The following TMOD2 variants were observed in gnomAD, a reference collection of about 807,000 sequenced individuals.
The protein encoded by TMOD2 is tropomodulin 2, also known as tropomodulin-2.
In TMOD2, 22 loss-of-function variants were observed where a neutral mutation model predicts 39.9. The ratio of observed to expected loss-of-function variants is 0.55; its 90% CI spans 0.39 to 0.79. The LOEUF (loss-of-function observed/expected upper bound fraction) is 0.79, where lower values mean the gene tolerates loss of function less well. TMOD2 is among the 30% of genes least tolerant of loss of function. The pLI, the probability that TMOD2 is intolerant of heterozygous loss-of-function variation, is 0.00. For missense variants in TMOD2, 386 were observed against 413.3 expected (o/e 0.93, Z 0.57); for synonymous variants, 123 against 146.1 (o/e 0.84, Z 1.14).
chr15:51,785,874 T>C (rs1488556674), intron 7 of TMOD2, among the ~76,000 whole-genome samples: 1 of 152,178 alleles, frequency 6.6e-6, no homozygotes, highest in Non-Finnish European at 1.5e-5. Context: ...TGCAAACACA[T>C]TGTATAAAGG....
intron 7 of TMOD2, among the ~76,000 whole-genome samples, chr15:51,795,577 G>GCTTTCTTTCTTTCTTTCTTT: frequency 2.4e-5 from 1 of 42,100 alleles, no homozygotes; most frequent in East Asian, 4.2e-4. Context: ...TTGCTTGCTT[G>GCTTTCTTTCTTTCTTTCTTT]CTTTCTTTCT....
chr15:51,806,235 C>G (rs909501654), intron 8 of TMOD2, 142 bp from the exon 9 acceptor site: 1 of 834,972 alleles, frequency 1.2e-6, no homozygotes, highest in African/African-American at 1.7e-5. Context: ...GAAAACTTCT[C>G]AAGTGACGCT....
At chr15:51,759,776 A>G (rs1311585145) in intron 1 of TMOD2, among the ~76,000 whole-genome samples, 3 of 152,232 alleles carry the variant, frequency 2.0e-5, no homozygotes, top group Non-Finnish European at 4.4e-5. Context: ...TAACTTGAGA[A>G]AAATTTAATA....
At chr15:51,796,665 A>G (rs2056053331) in intron 7 of TMOD2, among the ~76,000 whole-genome samples, 1 of 152,238 alleles carries the variant, frequency 6.6e-6, no homozygotes. Flanking sequence ...ATAACTAATA[A>G]TAGAACAATT....
At chr15:51,780,206 C>T (rs907586231) in intron 5 of TMOD2, among the ~76,000 whole-genome samples, 1 of 152,188 alleles carries the variant, frequency 6.6e-6, no homozygotes, top group Non-Finnish European at 1.5e-5. Context: ...AGAACATGCA[C>T]ATCTTAAATT....
At chr15:51,758,079 C>CTAATAATAATAA (rs145435018) in intron 1 of TMOD2, among the ~76,000 whole-genome samples, 7 of 149,740 alleles carry the variant, frequency 4.7e-5, no homozygotes, top group African/African-American at 1.7e-4. Flanking sequence ...GACCCTATTT[C>CTAATAATAATAA]TAATAATAAT....
chr15:51,781,043 G>C lies in TMOD2; in HGVS notation c.494-1G>C. ...TTTTAAAATGAAAACTTGTGTTTTA[G>C]ATGTTGTCAAAGGTGAAAAAGTAAA... On this transcript the variant is annotated splice_acceptor_variant, in intron 5 of 9. Transcript: ENST00000249700. LOFTEE classifies it high-confidence loss of function. 6.3e-7 allele frequency: 1 copy of C among 1,588,818 alleles called. No individual in the cohort carries two copies. Among genetic ancestry groups the C allele is most frequent in the African/African-American group, 1.4e-5 (1 of 73,420 alleles).
intron 1 of TMOD2, among the ~76,000 whole-genome samples, chr15:51,757,659 C>T (rs2055751741): frequency 1.3e-5 from 2 of 152,176 alleles, no homozygotes; most frequent in African/African-American, 4.8e-5. Context: ...GGGACAGACA[C>T]ACCACTGGAG....
intron 8 of TMOD2, among the ~76,000 whole-genome samples, chr15:51,798,577 A>T (rs191756853): frequency 5.9e-5 from 9 of 152,154 alleles, no homozygotes; most frequent in Non-Finnish European, 1.3e-4. Flanking sequence ...CTATCCCACA[A>T]CCCTAGGCTA....
At chr15:51,779,927 T>C (rs1001507300) in intron 5 of TMOD2, among the ~76,000 whole-genome samples, 1 of 152,164 alleles carries the variant, frequency 6.6e-6, no homozygotes, top group Non-Finnish European at 1.5e-5. Flanking sequence ...AGAAACTCTC[T>C]TGCTTCAGTC....
chr15:51,785,899 A>C (rs1206490511), intron 7 of TMOD2, among the ~76,000 whole-genome samples: 3 of 152,176 alleles, frequency 2.0e-5, no homozygotes, highest in Non-Finnish European at 1.5e-5. Flanking sequence ...AAAATATTAC[A>C]TACACCCCCA....
intron 9 of TMOD2, 35 bp from the exon 10 acceptor site, chr15:51,808,385 C>T: frequency 6.3e-7 from 1 of 1,576,340 alleles, no homozygotes; most frequent in Non-Finnish European, 8.7e-7. Flanking sequence ...AATATCCCTT[C>T]AATTTGTCTT....
chr15:51,797,882 A>G (rs1422289196), intron 7 of TMOD2, among the ~76,000 whole-genome samples: 1 of 121,366 alleles, frequency 8.2e-6, no homozygotes, highest in African/African-American at 3.1e-5. Context: ...GTGTTTTCTC[A>G]AAAAAAAAAA....
rs1380172497 is a variant in TMOD2, at chr15:51,766,581, A to G, written c.126+14A>G. 3 of 1,613,070 alleles carry G rather than the reference A, an allele frequency of 1.9e-6. No homozygotes were observed. Among genetic ancestry groups the G allele is most frequent in the South Asian group, 2.2e-5 (2 of 90,970 alleles). ...CTAGATCCTGAGGTTAGTGACATGG[A>G]ACTGAAGCAGAGTGGTTAATGATAG... is the stretch of plus-strand genomic sequence containing the variant. On this transcript the variant is annotated intron_variant, in intron 2 of 9. Coordinates refer to ENST00000249700, the MANE Select transcript of TMOD2 (RefSeq NM_014548.4).
At chr15:51,768,191 G>GGT in intron 2 of TMOD2, 71 bp from the exon 3 acceptor site, 1 of 1,556,958 alleles carries the variant, frequency 6.4e-7, no homozygotes. Flanking sequence ...AGTGAGTGGG[G>GGT]GTGGAAGAGG....
At chr15:51,772,937 A>G (rs1384797082) in intron 3 of TMOD2, among the ~76,000 whole-genome samples, 2 of 152,234 alleles carry the variant, frequency 1.3e-5, no homozygotes, top group Non-Finnish European at 2.9e-5. Context: ...TTTTCCAAAT[A>G]TTTAAAAGCT....
At chr15:51,783,907 T>G (rs2055950886) in intron 7 of TMOD2, 1 of 152,222 alleles carries the variant, frequency 6.6e-6, no homozygotes, top group African/African-American at 2.4e-5. Flanking sequence ...ATCATGATTT[T>G]TATTCTTCCT....
rs1041456391 is a variant in TMOD2, at chr15:51,813,804, G to A, written c.*5350G>A. 3 of 152,208 alleles carry A rather than the reference G, an allele frequency of 2.0e-5. No individual in the cohort carries two copies. The highest frequency in any genetic ancestry group is 7.2e-5 in the African/African-American group (3 of 41,536). The allele number at this position is 152,208 out of a possible 1,614,324, so 9.4% of individuals were successfully genotyped here. ...GTGGTAAGAATATAATCAGATAACTGGATAAAAACACTATATAAACTGGAA... is the reference window on the plus strand; with the variant it reads ...GTGGTAAGAATATAATCAGATAACTAGATAAAAACACTATATAAACTGGAA... On this transcript the variant is annotated 3_prime_UTR_variant, in exon 10 of 10. Coordinates refer to ENST00000249700, the MANE Select transcript of TMOD2 (RefSeq NM_014548.4).
chr15:51,810,624 T>C lies in TMOD2; in HGVS notation c.*2170T>C, dbSNP rs1040752891. 7.2e-5 allele frequency: 11 copies of C among 152,226 alleles called. No homozygotes were observed. Among genetic ancestry groups the C allele is most frequent in the African/African-American group, 2.4e-4 (10 of 41,464 alleles). The allele number at this position is 152,226 out of a possible 1,614,324, so 9.4% of individuals were successfully genotyped here. On this transcript the variant is annotated 3_prime_UTR_variant, in exon 10 of 10. Transcript: ENST00000249700. ...GAAATTATACATTTTTTTATACATA[T>C]GTTTCGCTTATCATGTTGCCGAAGG...
Sources: allele counts gnomAD v4.1 joint callset (sites outside exome capture counted in the v4.1 genomes callset), GRCh38; gene constraint gnomAD v4.1.1; transcripts MANE v1.5; gene names NCBI Gene and HGNC (gene_info 2026-07-23, HGNC 2026-07-21).